KIFC3: variants seen among roughly 807,000 people sequenced by gnomAD.
KIFC3 encodes the protein kinesin-like protein KIFC3.
Under a neutral mutation model 101.8 loss-of-function variants are expected in KIFC3, and 60 were observed. That is an observed-to-expected ratio of 0.59 (90% CI 0.48 to 0.73). The LOEUF is 0.73. KIFC3 is among the 30% of genes least tolerant of loss of function. KIFC3 has a pLI of 0.00. For missense variants in KIFC3, 966 were observed against 1,137.1 expected (o/e 0.85, Z 2.16); for synonymous variants, 476 against 482.7 (o/e 0.99, Z 0.18).
chr16:57,788,781 G>T, intron 3 of KIFC3: 1 of 1,265,318 alleles, frequency 7.9e-7, no homozygotes. Flanking sequence ...CGAGCCAGAG[G>T]ATGGTGTGCT....
chr16:57,758,871 G>A lies in KIFC3; in HGVS notation c.*63C>T, dbSNP rs782489281. ...GTGAGGGCCCAGCTTCAGGCCCAGC[G>A]GGGTCACATCCGTCACACAGGCAGT... On this transcript the variant is annotated 3_prime_UTR_variant, in exon 20 of 20. Coordinates refer to ENST00000445690, the MANE Select transcript of KIFC3 (RefSeq NM_001130100.2). The A allele has an allele frequency of 3.2e-5, 52 of 1,604,396 alleles. No homozygotes were observed. Among genetic ancestry groups the A allele is most frequent in the East Asian group, 1.8e-4 (8 of 44,766 alleles).
At chr16:57,793,575 A>G (rs1310692592) in intron 3 of KIFC3, among the ~76,000 whole-genome samples, 2 of 150,030 alleles carry the variant, frequency 1.3e-5, no homozygotes, top group African/African-American at 5.0e-5. Flanking sequence ...CCTGGGCGAC[A>G]GAGCGAGACT....
chr16:57,762,199 C>G lies in KIFC3; in HGVS notation c.1689G>C (p.Ala563=). ...QLLFSEVQEK[A]SDWEYTITVS... The stretch of plus-strand genomic sequence containing the variant: ...CGGTGATGGTGTACTCCCAGTCAGA[C>G]GCCTTCTCCTGCACCTCGGAGAAGA... The change falls in exon 13 of 20, where the codon GCG becomes GCC. Residue 563 remains alanine (A), a synonymous_variant. Transcript: ENST00000445690. 1 of 1,611,236 alleles carries G rather than the reference C, an allele frequency of 6.2e-7. No homozygotes were observed. The highest frequency in any genetic ancestry group is 8.5e-7 in the Non-Finnish European group (1 of 1,179,276).
intron 18 of KIFC3, 121 bp downstream of exon 18, chr16:57,759,607 C>T: frequency 1.4e-6 from 1 of 719,112 alleles, no homozygotes; most frequent in East Asian, 2.8e-5. Flanking sequence ...AAAACAGGTT[C>T]TGGAGAAGGT....
intron 1 of KIFC3, among the ~76,000 whole-genome samples, chr16:57,825,466 G>C (rs1322107051): frequency 6.6e-6 from 1 of 152,252 alleles, no homozygotes; most frequent in African/African-American, 2.4e-5. Context: ...CCAGGAGGAC[G>C]CCACTCCATT....
upstream of KIFC3, among the ~76,000 whole-genome samples, chr16:57,806,260 C>T (rs571043431): frequency 2.6e-5 from 4 of 152,290 alleles, no homozygotes; most frequent in South Asian, 2.1e-4. Context: ...AAGTCTTCTC[C>T]GAGCCTTTGC....
intron 1 of KIFC3, among the ~76,000 whole-genome samples, chr16:57,835,004 G>A (rs1320870580): frequency 1.1e-4 from 17 of 152,072 alleles, no homozygotes; most frequent in Admixed American, 1.0e-3. Context: ...AAATTCAGGA[G>A]GAAAAAAAAT....
intron 1 of KIFC3, among the ~76,000 whole-genome samples, chr16:57,820,548 G>C (rs2055327532): frequency 6.6e-6 from 1 of 152,170 alleles, no homozygotes; most frequent in Non-Finnish European, 1.5e-5. Flanking sequence ...CCAAGTGCTG[G>C]CATTATGGGT....
chr16:57,759,412 G>C lies in KIFC3; in HGVS notation c.2477-259C>G, dbSNP rs1555593358. ...GGCTGCAGGGGCTGCTCTGGAGGGG[G>C]CTTACTGCACAGGCTCAGCCAGCCC... On this transcript the variant is annotated intron_variant, in intron 18 of 19. Transcript: ENST00000445690. The C allele has an allele frequency of 5.4e-5, 32 of 594,106 alleles. No homozygotes were observed. The South Asian group carries it at 6.3e-4, about 12-fold the overall frequency. The allele number at this position is 594,106 out of a possible 1,614,324, so 36.8% of individuals were successfully genotyped here.
chr16:57,801,246 G>A (rs1172383961), intron 1 of KIFC3, among the ~76,000 whole-genome samples: 1 of 152,212 alleles, frequency 6.6e-6, no homozygotes, highest in Non-Finnish European at 1.5e-5. Context: ...TGGGGGGACA[G>A]GCTGGACAGC....
intron 3 of KIFC3, among the ~76,000 whole-genome samples, chr16:57,792,585 T>TA: frequency 6.6e-6 from 1 of 152,140 alleles, no homozygotes; most frequent in East Asian, 1.9e-4. Flanking sequence ...AGTAGACTAT[T>TA]ACGCAGCCGT....
chr16:57,783,884 C>T (rs1016194614), intron 3 of KIFC3, among the ~76,000 whole-genome samples: 2 of 152,208 alleles, frequency 1.3e-5, no homozygotes, highest in East Asian at 1.9e-4. Flanking sequence ...AGGCCAGACA[C>T]GTGTCCTTCA....
chr16:57,758,421 AC>A lies in KIFC3; in HGVS notation c.*512del. On this transcript the variant is annotated 3_prime_UTR_variant, in exon 20 of 20. Coordinates refer to ENST00000445690, the MANE Select transcript of KIFC3 (RefSeq NM_001130100.2). The stretch of plus-strand genomic sequence containing the variant: ...GGCGGGAGGCCATGCGCCTCCGCAC[AC>A]CCCCCAGCTGCGGGAACCCTCCTTG... 1 of 364,730 alleles carries A rather than the reference AC, an allele frequency of 2.7e-6. No individual in the cohort carries two copies. The highest frequency in any genetic ancestry group is 5.4e-6 in the Non-Finnish European group (1 of 186,788). The allele number at this position is 364,730 out of a possible 1,614,324, so 22.6% of individuals were successfully genotyped here.
intron 1 of KIFC3, among the ~76,000 whole-genome samples, chr16:57,824,236 C>A (rs1286966584): frequency 3.9e-5 from 6 of 152,206 alleles, no homozygotes; most frequent in African/African-American, 1.4e-4. Context: ...TCCAGTGAGG[C>A]TCCCTGCCTT....
intron 4 of KIFC3, 108 bp from the exon 5 acceptor site, chr16:57,771,794 G>T: frequency 7.5e-7 from 1 of 1,337,304 alleles, no homozygotes; most frequent in Non-Finnish European, 1.0e-6. Flanking sequence ...GGAGAGGTGT[G>T]GAGAAAGGCA....
At chr16:57,795,611 C>T (rs1304061070) in intron 2 of KIFC3, among the ~76,000 whole-genome samples, 1 of 152,220 alleles carries the variant, frequency 6.6e-6, no homozygotes, top group African/African-American at 2.4e-5. Context: ...CGTTGCCTCC[C>T]CAAGCGTATT....
At chr16:57,778,508 G>A (rs911200563) in intron 3 of KIFC3, among the ~76,000 whole-genome samples, 28 of 152,114 alleles carry the variant, frequency 1.8e-4, no homozygotes, top group African/African-American at 6.3e-4. Context: ...AAGGCAACAC[G>A]TGGAAAATAC....
chr16:57,858,784 T>C (rs962995314), intron 1 of KIFC3, among the ~76,000 whole-genome samples: 1 of 152,076 alleles, frequency 6.6e-6, no homozygotes, highest in Non-Finnish European at 1.5e-5. Flanking sequence ...CTGTTTCTAC[T>C]AAAAGTACAA....
chr16:57,786,810 C>T (rs539837842), intron 3 of KIFC3, among the ~76,000 whole-genome samples: 1 of 152,270 alleles, frequency 6.6e-6, no homozygotes, highest in South Asian at 2.1e-4. Flanking sequence ...CAAACGGACT[C>T]AGCTGGACAG....
Sources: gnomAD v4.1 joint callset for allele counts (sites outside exome capture counted in the v4.1 genomes callset) on GRCh38, gnomAD v4.1.1 for gene constraint, MANE v1.5 for transcripts, NCBI Gene and HGNC (gene_info 2026-07-23, HGNC 2026-07-21) for gene names.